The following GPR158 variants were observed in gnomAD, a reference collection of about 807,000 sequenced individuals.
GPR158 encodes the protein G protein-coupled receptor 158, also known as metabotropic glycine receptor.
A neutral mutation model predicts 78.2 loss-of-function variants in GPR158; 30 were observed. The ratio of observed to expected loss-of-function variants is 0.38; its 90% confidence interval spans 0.29 to 0.52. GPR158 has a LOEUF of 0.52. Ranked by LOEUF, GPR158 falls within the 20% of genes least tolerant of loss-of-function variation. The probability of loss-of-function intolerance (pLI) is 0.83; values close to 1 mark genes in which losing one functional copy is unlikely to be tolerated. For missense variants in GPR158, 1,463 were observed against 1,523.5 expected, an observed-to-expected ratio of 0.96 and a Z score of 0.66; for synonymous variants, 581 against 591.1, an observed-to-expected ratio of 0.98 and a Z score of 0.25.
intron 7 of GPR158, among the ~76,000 whole-genome samples, chr10:25,577,218 T>C (rs528086849): frequency 6.6e-6 from 1 of 152,302 alleles, no homozygotes; most frequent in South Asian, 2.1e-4. Flanking sequence ...ATGTTTTTGA[T>C]ACTCAGACTG....
At chr10:25,545,196 T>TTGA (rs1836647076) in intron 5 of GPR158, among the ~76,000 whole-genome samples, 1 of 152,016 alleles carries the variant, frequency 6.6e-6, no homozygotes, top group Admixed American at 6.5e-5. Context: ...TAGTAGAATG[T>TTGA]TTTATAATCC....
rs997478714 is a variant in GPR158 at position 25,485,609 on chromosome 10, G to A, written c.1404+18890G>A. On this transcript the variant is annotated intron_variant, in intron 5 of 10. Transcript: ENST00000376351. ...AAACTGTCATTATTTTATATGAATA[G>A]CTTCATGTTACAGTTGCTGAAATAT... Among the ~76,000 whole-genome samples, 4 of 152,162 alleles carry A rather than the reference G, an allele frequency of 2.6e-5. No individual in the cohort carries two copies. In the South Asian group the frequency reaches 6.2e-4, roughly 24 times the overall value.
intron 3 of GPR158, among the ~76,000 whole-genome samples, chr10:25,408,595 A>G (rs1474178678): frequency 6.6e-6 from 1 of 152,142 alleles, no homozygotes; most frequent in African/African-American, 2.4e-5. Context: ...TACTCAGTGA[A>G]ATGACTCTGA....
At chr10:25,497,213 A>T (rs112420075) in intron 5 of GPR158, among the ~76,000 whole-genome samples, 1,869 of 152,186 alleles carry the variant, frequency 0.012, 14 homozygotes, top group Non-Finnish European at 0.017. Context: ...CCCAAATTGG[A>T]CTCCATGAAA....
intron 4 of GPR158, among the ~76,000 whole-genome samples, chr10:25,462,032 G>A (rs540128111): frequency 7.9e-5 from 12 of 152,124 alleles, no homozygotes; most frequent in Non-Finnish European, 1.5e-4. Flanking sequence ...GAGCCACCAC[G>A]CCAGGCCAGG....
chr10:25,227,729 G>A (rs1809637148), intron 2 of GPR158, among the ~76,000 whole-genome samples: 1 of 152,178 alleles, frequency 6.6e-6, no homozygotes, highest in Non-Finnish European at 1.5e-5. Context: ...TTGCATTCTA[G>A]AGGGAACCAG....
chr10:25,220,526 A>G (rs748181720), intron 1 of GPR158, among the ~76,000 whole-genome samples: 2 of 152,242 alleles, frequency 1.3e-5, no homozygotes, highest in Non-Finnish European at 2.9e-5. Flanking sequence ...TCTCTGTTTA[A>G]TGTGGAACAC....
At chr10:25,310,322 CAG>C (rs1218991169) in intron 2 of GPR158, among the ~76,000 whole-genome samples, 1 of 152,128 alleles carries the variant, frequency 6.6e-6, no homozygotes, top group Non-Finnish European at 1.5e-5. Context: ...GTTTTTGGAT[CAG>C]AGAGTGTTAG....
chr10:25,383,244 A>G (rs1374131001), intron 2 of GPR158, among the ~76,000 whole-genome samples: 3 of 152,208 alleles, frequency 2.0e-5, no homozygotes, highest in Non-Finnish European at 2.9e-5. Context: ...CTCCATTTCT[A>G]CTTCATCTTG....
intron 1 of GPR158, among the ~76,000 whole-genome samples, chr10:25,185,150 G>A (rs1292981661): frequency 6.6e-6 from 1 of 152,146 alleles, no homozygotes; most frequent in Non-Finnish European, 1.5e-5. Context: ...CTGGTGTAGG[G>A]GAGCACATAT....
intron 5 of GPR158, among the ~76,000 whole-genome samples, chr10:25,515,501 C>T (rs1374460530): frequency 2.2e-5 from 3 of 138,310 alleles, no homozygotes; most frequent in African/African-American, 8.0e-5. Flanking sequence ...GTATATCTCC[C>T]AGTGCTATCC....
intron 2 of GPR158, among the ~76,000 whole-genome samples, chr10:25,341,640 T>C (rs1855303687): frequency 6.6e-6 from 1 of 151,928 alleles, no homozygotes; most frequent in African/African-American, 2.4e-5. Context: ...TTGCCAGCAG[T>C]GGAAAATCCT....
At chr10:25,456,148 G>A (rs1835288304) in intron 4 of GPR158, among the ~76,000 whole-genome samples, 1 of 152,062 alleles carries the variant, frequency 6.6e-6, no homozygotes, top group East Asian at 1.9e-4. Context: ...TTTCTGAACT[G>A]CTTCCTCTTC....
intron 2 of GPR158, among the ~76,000 whole-genome samples, chr10:25,388,654 T>G (rs1834253121): frequency 6.6e-6 from 1 of 152,134 alleles, no homozygotes; most frequent in South Asian, 2.1e-4. Context: ...CGGGCAGAAG[T>G]GGAGCTGGGT....
intron 4 of GPR158, among the ~76,000 whole-genome samples, chr10:25,465,114 A>T (rs1835404648): frequency 1.3e-5 from 2 of 152,226 alleles, no homozygotes; most frequent in South Asian, 4.1e-4. Flanking sequence ...GGGAATTAGA[A>T]TTTTTTCTCC....
intron 2 of GPR158, among the ~76,000 whole-genome samples, chr10:25,366,547 C>T (rs1024938187): frequency 5.3e-5 from 8 of 151,670 alleles, no homozygotes; most frequent in Non-Finnish European, 8.9e-5. Context: ...AATTACCTCA[C>T]GTATATATCA....
intron 1 of GPR158, among the ~76,000 whole-genome samples, chr10:25,190,680 GT>G (rs1852761285): frequency 6.6e-6 from 1 of 152,130 alleles, no homozygotes; most frequent in Admixed American, 6.6e-5. Flanking sequence ...TAAAGATACA[GT>G]TTTAAATATT....
chr10:25,343,625 T>G (rs1249781153), intron 2 of GPR158, among the ~76,000 whole-genome samples: 1 of 152,032 alleles, frequency 6.6e-6, no homozygotes, highest in African/African-American at 2.4e-5. Flanking sequence ...TAATCTAAAG[T>G]GCTTTTGAAA....
chr10:25,372,901 A>G (rs1408589174), intron 2 of GPR158, among the ~76,000 whole-genome samples: 1 of 151,906 alleles, frequency 6.6e-6, no homozygotes, highest in Non-Finnish European at 1.5e-5. Flanking sequence ...ACAAAGAAAA[A>G]AAGACCTAAA....
Sources: gnomAD v4.1 joint callset for allele counts (sites outside exome capture counted in the v4.1 genomes callset) on GRCh38, gnomAD v4.1.1 for gene constraint, MANE v1.5 for transcripts, NCBI Gene and HGNC (gene_info 2026-07-23, HGNC 2026-07-21) for gene names.